The following ETS1 variants were observed in gnomAD, a reference collection of about 807,000 sequenced individuals.
The protein encoded by ETS1 is ETS proto-oncogene 1, transcription factor.
In ETS1, 15 loss-of-function variants were observed where a neutral mutation model predicts 58.6. That is an observed-to-expected ratio of 0.26 (90% CI 0.17 to 0.39). The LOEUF is 0.39. ETS1 is among the 10% of genes least tolerant of loss of function. ETS1 has a pLI of 1.00. For missense variants in ETS1, 417 were observed against 610.5 expected (o/e 0.68, Z 3.34); for synonymous variants, 214 against 218.2 (o/e 0.98, Z 0.17).
At chr11:128,554,517 A>G (rs1330170177) in intron 3 of ETS1, among the ~76,000 whole-genome samples, 2 of 152,164 alleles carry the variant, frequency 1.3e-5, no homozygotes, top group African/African-American at 4.8e-5. Context: ...TGAAATAAAA[A>G]CATCTTTACC....
At chr11:128,566,405 G>A (rs1032244572) in intron 2 of ETS1, among the ~76,000 whole-genome samples, 3 of 152,200 alleles carry the variant, frequency 2.0e-5, no homozygotes, top group African/African-American at 7.2e-5. Flanking sequence ...GACCTTCCAC[G>A]TACCTTATAC....
At chr11:128,556,855 A>G (rs970803586) in intron 2 of ETS1, among the ~76,000 whole-genome samples, 4 of 152,156 alleles carry the variant, frequency 2.6e-5, no homozygotes, top group Non-Finnish European at 5.9e-5. Context: ...TAAATGATAC[A>G]TGCCAAAGGA....
intron 7 of ETS1, among the ~76,000 whole-genome samples, chr11:128,484,319 G>A (rs370215433): frequency 3.3e-5 from 5 of 152,028 alleles, no homozygotes; most frequent in African/African-American, 4.8e-5. Context: ...TTCCCAAACC[G>A]AAAAAGTCAC....
intron 3 of ETS1, among the ~76,000 whole-genome samples, chr11:128,510,639 T>C (rs1025834288): frequency 1.3e-5 from 2 of 152,218 alleles, no homozygotes; most frequent in South Asian, 2.1e-4. Flanking sequence ...CTGGCAAGCA[T>C]TGAAGTTAGT....
intron 3 of ETS1, chr11:128,521,772 C>T (rs1863678317): frequency 3.3e-6 from 2 of 613,664 alleles, no homozygotes; most frequent in South Asian, 4.4e-5. Context: ...TCCTCGTCCT[C>T]CAGATCCAGC....
intron 3 of ETS1, among the ~76,000 whole-genome samples, chr11:128,535,065 T>C (rs1407404543): frequency 1.3e-5 from 2 of 152,220 alleles, no homozygotes; most frequent in Non-Finnish European, 2.9e-5. Flanking sequence ...GCATTCCTAT[T>C]TCTCCACAGC....
intron 2 of ETS1, among the ~76,000 whole-genome samples, chr11:128,567,022 C>T (rs962654709): frequency 1.3e-5 from 2 of 152,068 alleles, no homozygotes; most frequent in Non-Finnish European, 2.9e-5. Flanking sequence ...ATCAACCAGT[C>T]GATCAATCAA....
intron 8 of ETS1, among the ~76,000 whole-genome samples, chr11:128,470,290 C>T (rs1862150613): frequency 6.6e-6 from 1 of 152,122 alleles, no homozygotes; most frequent in Non-Finnish European, 1.5e-5. Flanking sequence ...CAGTGGAGTA[C>T]TGAGTGATGA....
intron 3 of ETS1, among the ~76,000 whole-genome samples, chr11:128,499,695 C>T (rs1863034240): frequency 6.6e-6 from 1 of 152,204 alleles, no homozygotes; most frequent in Non-Finnish European, 1.5e-5. Flanking sequence ...GGAAGAACCT[C>T]AATCCCCGAG....
intron 1 of ETS1, among the ~76,000 whole-genome samples, chr11:128,587,264 T>A (rs1444510009): frequency 6.6e-6 from 1 of 152,108 alleles, no homozygotes; most frequent in African/African-American, 2.4e-5. Context: ...GGAACATTTT[T>A]AAAAACATAG....
chr11:128,478,977 G>A (rs1184184897), intron 8 of ETS1, among the ~76,000 whole-genome samples: 1 of 152,190 alleles, frequency 6.6e-6, no homozygotes, highest in Admixed American at 6.5e-5. Flanking sequence ...TGACCTTGTT[G>A]CTACTCCAAC....
At chr11:128,525,044 A>G (rs1171736832) in intron 3 of ETS1, among the ~76,000 whole-genome samples, 9 of 151,970 alleles carry the variant, frequency 5.9e-5, no homozygotes, top group African/African-American at 1.9e-4. Context: ...AAAAAAATCA[A>G]TCAAATAAAT....
intron 2 of ETS1, among the ~76,000 whole-genome samples, chr11:128,561,773 CT>C (rs1864409103): frequency 6.6e-6 from 1 of 152,220 alleles, no homozygotes; most frequent in East Asian, 1.9e-4. Context: ...ACAATGTTGC[CT>C]TTGGTTGAGT....
rs144443527 is a variant in ETS1, at chr11:128,502,006, G to GGA, written c.215-11432_215-11431dup. On this transcript the variant is annotated intron_variant, in intron 3 of 9. Coordinates refer to ENST00000392668, the MANE Select transcript of ETS1 (RefSeq NM_001143820.2). Reference sequence around the variant, plus strand: ...GAAAGACAGAGAAAGGGGGTGGGGTGGAGAGAGAGAGAGAGAGAGAAAGAG... The same window carrying GGA: ...GAAAGACAGAGAAAGGGGGTGGGGTGGAGAGAGAGAGAGAGAGAGAGAAAGAG... 2.5e-4 allele frequency among the ~76,000 whole-genome samples: 37 copies of GGA among 150,042 alleles called. 2 individuals are homozygous for GGA. The South Asian group carries it at 2.7e-3, about 11-fold the overall frequency.
intron 3 of ETS1, among the ~76,000 whole-genome samples, chr11:128,537,913 G>A (rs950741167): frequency 6.6e-6 from 1 of 152,178 alleles, no homozygotes; most frequent in Non-Finnish European, 1.5e-5. Flanking sequence ...AGATGGGGAA[G>A]AGGACTTAGA....
At chr11:128,512,929 G>C (rs902986289) in intron 3 of ETS1, among the ~76,000 whole-genome samples, 2 of 152,230 alleles carry the variant, frequency 1.3e-5, no homozygotes, top group African/African-American at 2.4e-5. Context: ...CTGAATGCTT[G>C]ACTTACATCT....
At chr11:128,539,244 C>A (rs1864018773) in intron 3 of ETS1, among the ~76,000 whole-genome samples, 1 of 152,182 alleles carries the variant, frequency 6.6e-6, no homozygotes, top group Non-Finnish European at 1.5e-5. Flanking sequence ...AAATTCTAAA[C>A]ATCCAGAAAG....
chr11:128,546,519 T>G (rs189447549), intron 3 of ETS1, among the ~76,000 whole-genome samples: 8 of 152,370 alleles, frequency 5.3e-5, no homozygotes, highest in African/African-American at 1.7e-4. Context: ...CCATACACTT[T>G]AAGTCATCTC....
chr11:128,524,653 A>C (rs986875197), intron 3 of ETS1, among the ~76,000 whole-genome samples: 1 of 152,212 alleles, frequency 6.6e-6, no homozygotes, highest in Non-Finnish European at 1.5e-5. Flanking sequence ...CTAAATGTTC[A>C]TATGGACTTT....
Sources: gnomAD v4.1 joint callset for allele counts (sites outside exome capture counted in the v4.1 genomes callset) on GRCh38, gnomAD v4.1.1 for gene constraint, MANE v1.5 for transcripts, NCBI Gene and HGNC (gene_info 2026-07-23, HGNC 2026-07-21) for gene names.